Variants in RTN1 observed in about 807,000 individuals in gnomAD.
RTN1 encodes reticulon 1.
RTN1 carries 25 observed loss-of-function variants against 65.5 expected under a neutral mutation model. The ratio of observed to expected loss-of-function variants is 0.38; its 90% CI spans 0.28 to 0.53. The LOEUF is 0.53. RTN1 is among the 20% of genes least tolerant of loss of function. The pLI is 0.79. For missense variants in RTN1, 983 were observed against 1,025.4 expected, an observed-to-expected ratio of 0.96 and a Z score of 0.57; for synonymous variants, 471 against 447.6, an observed-to-expected ratio of 1.05 and a Z score of -0.66.
chr14:59,833,424 A>G (rs1225285648), intron 1 of RTN1, among the ~76,000 whole-genome samples: 1 of 152,232 alleles, frequency 6.6e-6, no homozygotes, highest in African/African-American at 2.4e-5. Context: ...GTGATTGACA[A>G]ATATTCAATA....
At chr14:59,869,605 T>G in intron 1 of RTN1, among the ~76,000 whole-genome samples, 1 of 145,848 alleles carries the variant, frequency 6.9e-6, no homozygotes, top group Non-Finnish European at 1.5e-5. Flanking sequence ...CTTAGACTGC[T>G]GGTAAACTGT....
intron 3 of RTN1, among the ~76,000 whole-genome samples, chr14:59,679,591 A>G (rs1883702443): frequency 6.6e-6 from 1 of 152,226 alleles, no homozygotes; most frequent in Non-Finnish European, 1.5e-5. Context: ...GTGTTATATT[A>G]GTAATCACTC....
intron 2 of RTN1, among the ~76,000 whole-genome samples, chr14:59,736,199 C>G (rs760677774): frequency 2.0e-5 from 3 of 151,714 alleles, no homozygotes; most frequent in Non-Finnish European, 4.4e-5. Flanking sequence ...CTGAAGGAGA[C>G]AGAGACATGA....
chr14:59,618,020 C>T (rs1293219227), intron 3 of RTN1, among the ~76,000 whole-genome samples: 1 of 152,158 alleles, frequency 6.6e-6, no homozygotes, highest in African/African-American at 2.4e-5. Flanking sequence ...AAAATTATGA[C>T]CGAGACAGCG....
intron 1 of RTN1, among the ~76,000 whole-genome samples, chr14:59,835,737 G>A (rs1887202109): frequency 6.6e-6 from 1 of 152,166 alleles, no homozygotes; most frequent in African/African-American, 2.4e-5. Context: ...TTAAGGCTGT[G>A]ATTATGTCCT....
chr14:59,772,206 G>T (rs1885972256), intron 1 of RTN1, among the ~76,000 whole-genome samples: 1 of 151,928 alleles, frequency 6.6e-6, no homozygotes, highest in Non-Finnish European at 1.5e-5. Context: ...AATGTAATTG[G>T]CTTTTAAAAA....
intron 1 of RTN1, among the ~76,000 whole-genome samples, chr14:59,837,562 T>C (rs995719417): frequency 6.6e-6 from 1 of 151,974 alleles, no homozygotes; most frequent in Non-Finnish European, 1.5e-5. Context: ...ATCCTTAAAA[T>C]GTAAAGAACT....
intron 1 of RTN1, among the ~76,000 whole-genome samples, chr14:59,840,388 C>CT (rs1400057398): frequency 2.6e-5 from 4 of 152,152 alleles, no homozygotes; most frequent in African/African-American, 9.7e-5. Flanking sequence ...TGTATAGTGG[C>CT]TAAGAGCACA....
intron 3 of RTN1, among the ~76,000 whole-genome samples, chr14:59,608,582 C>T (rs1196539532): frequency 6.6e-6 from 1 of 152,208 alleles, no homozygotes; most frequent in Non-Finnish European, 1.5e-5. Flanking sequence ...AGACTTACCT[C>T]AGGCTGGCTG....
chr14:59,659,632 G>A (rs1883200605), intron 3 of RTN1, among the ~76,000 whole-genome samples: 1 of 152,134 alleles, frequency 6.6e-6, no homozygotes, highest in African/African-American at 2.4e-5. Context: ...TTCATATCCA[G>A]CCAAACTAAG....
intron 1 of RTN1, among the ~76,000 whole-genome samples, chr14:59,823,758 G>C (rs1215993632): frequency 1.3e-5 from 2 of 152,100 alleles, no homozygotes; most frequent in African/African-American, 4.8e-5. Flanking sequence ...CTTGGGGATG[G>C]TTGTCTTATA....
chr14:59,804,538 A>G (rs1034692514), intron 1 of RTN1, among the ~76,000 whole-genome samples: 1 of 152,200 alleles, frequency 6.6e-6, no homozygotes, highest in Non-Finnish European at 1.5e-5. Context: ...AATTTATTTT[A>G]AATAGAATTA....
rs117792968 is a variant in RTN1 at position 59,861,281 on chromosome 14, G to A, written c.241+9109C>T. Among the ~76,000 whole-genome samples the A allele has an allele frequency of 0.017, 2,596 of 152,202 alleles. 103 individuals are homozygous for A. In the East Asian group the frequency reaches 0.18, roughly 11 times the overall value. On this transcript the variant is annotated intron_variant, in intron 1 of 8. Coordinates refer to ENST00000267484, the MANE Select transcript of RTN1 (RefSeq NM_021136.3). ...TCACAAGATCTGATGGTATTATAAG[G>A]GGGATTTTCCCTGCCCAATCTCTCT... is the stretch of plus-strand genomic sequence containing the variant.
At chr14:59,759,433 A>G (rs1341817042) in intron 1 of RTN1, among the ~76,000 whole-genome samples, 1 of 152,206 alleles carries the variant, frequency 6.6e-6, no homozygotes. Context: ...AATAATAGCC[A>G]TTTCAAAGAA....
intron 1 of RTN1, among the ~76,000 whole-genome samples, chr14:59,819,414 A>ACCC (rs1566737477): frequency 3.1e-5 from 1 of 31,862 alleles, no homozygotes; most frequent in East Asian, 6.0e-4. Context: ...CACCACCACC[A>ACCC]CCCCCCCCCC....
At chr14:59,760,190 G>T (rs1436307254) in intron 1 of RTN1, among the ~76,000 whole-genome samples, 1 of 152,120 alleles carries the variant, frequency 6.6e-6, no homozygotes, top group Non-Finnish European at 1.5e-5. Flanking sequence ...CATTATTGAA[G>T]ATTTCCAGAT....
chr14:59,734,576 A>G (rs1408716785), intron 2 of RTN1, among the ~76,000 whole-genome samples: 1 of 152,202 alleles, frequency 6.6e-6, no homozygotes, highest in Middle Eastern at 3.2e-3. Context: ...CACTACAAAA[A>G]CTTCACAATG....
rs773319346 is a variant in RTN1, at chr14:59,727,170, C to T, written c.1514G>A (p.Arg505Gln). Reference protein sequence around the residue: ...LDAIREETGVRAEERAPSRRG... With the variant: ...LDAIREETGVQAEERAPSRRG... ...CCGGCTTGGCGCACGCTCCTCGGCC[C>T]GGACGCCAGTCTCCTCCCGGATGGC... The change falls in exon 3 of 9, where the codon CGG (arginine) becomes CAG (glutamine). Residue 505 changes from arginine (R) to glutamine (Q), a missense_variant. Physicochemically the swap from Arg to Gln is conservative, Grantham distance 43 (BLOSUM62 1). This residue lies in a region of RTN1 where 818 missense variants were observed against 801.8 expected (regional missense o/e 1.02). Transcript: ENST00000267484. This position sits in a 1 kb window ranked among gnomAD's most constrained non-coding sequence, Gnocchi z 4.2. The T allele has an allele frequency of 1.9e-5, 30 of 1,590,604 alleles. No homozygotes were observed. The highest frequency in any genetic ancestry group is 2.6e-5 in the Non-Finnish European group (30 of 1,168,630).
At chr14:59,834,545 CA>C (rs1485910595) in intron 1 of RTN1, among the ~76,000 whole-genome samples, 1 of 152,002 alleles carries the variant, frequency 6.6e-6, no homozygotes, top group Non-Finnish European at 1.5e-5. Context: ...AAATGGGTAA[CA>C]GTTTTGAACA....
Sources: allele counts gnomAD v4.1 joint callset (sites outside exome capture counted in the v4.1 genomes callset), GRCh38; gene constraint gnomAD v4.1.1; regional missense constraint gnomAD v4.1.1; non-coding constraint Gnocchi (gnomAD v3.1); transcripts MANE v1.5; gene names NCBI Gene and HGNC (gene_info 2026-07-23, HGNC 2026-07-21).